The following SYN3 variants were observed in gnomAD, a reference collection of about 807,000 sequenced individuals.
The protein encoded by SYN3 is synapsin III.
Under a neutral mutation model 65.8 loss-of-function variants are expected in SYN3, and 35 were observed. That is an observed-to-expected ratio of 0.53 (90% CI 0.41 to 0.70). The LOEUF is 0.70. Ranked by LOEUF, SYN3 falls within the 30% of genes least tolerant of loss-of-function variation. SYN3 has a pLI of 0.00. For missense variants in SYN3, 680 were observed against 749.0 expected, an observed-to-expected ratio of 0.91 and a Z score of 1.08; for synonymous variants, 270 against 292.9, an observed-to-expected ratio of 0.92 and a Z score of 0.80.
intron 7 of SYN3, among the ~76,000 whole-genome samples, chr22:32,552,970 G>C (rs2058438984): frequency 6.6e-6 from 1 of 152,220 alleles, no homozygotes; most frequent in African/African-American, 2.4e-5. Flanking sequence ...CAAGGTGCTG[G>C]CATGGTCAGG....
At chr22:32,963,809 A>G (rs1376442194) in intron 3 of SYN3, among the ~76,000 whole-genome samples, 1 of 152,136 alleles carries the variant, frequency 6.6e-6, no homozygotes, top group Non-Finnish European at 1.5e-5. Context: ...GTGGAGAGCT[A>G]AGGGAGCCAG....
intron 6 of SYN3, among the ~76,000 whole-genome samples, chr22:32,629,131 G>C (rs188817304): frequency 6.6e-6 from 1 of 152,340 alleles, no homozygotes; most frequent in Admixed American, 6.5e-5. Flanking sequence ...AATATTTGGT[G>C]AAATCCATCC....
chr22:32,995,541 C>T (rs866610659), intron 2 of SYN3, among the ~76,000 whole-genome samples: 12 of 152,326 alleles, frequency 7.9e-5, no homozygotes, highest in South Asian at 6.2e-4. Context: ...CCTTCCTCCA[C>T]GTGGCACAGG....
At chr22:32,553,575 T>A (rs891983783) in intron 7 of SYN3, among the ~76,000 whole-genome samples, 3 of 152,192 alleles carry the variant, frequency 2.0e-5, no homozygotes, top group Non-Finnish European at 4.4e-5. Flanking sequence ...CAAAGTGTGC[T>A]ATGAGAGACT....
At chr22:32,715,001 G>A (rs1007706123) in intron 6 of SYN3, among the ~76,000 whole-genome samples, 1 of 152,072 alleles carries the variant, frequency 6.6e-6, no homozygotes, top group African/African-American at 2.4e-5. Flanking sequence ...TCTGCGGAGC[G>A]CTCCTTCCCC....
chr22:32,979,187 CAAA>C (rs35720827), intron 3 of SYN3, among the ~76,000 whole-genome samples: 9 of 88,764 alleles, frequency 1.0e-4, no homozygotes, highest in African/African-American at 1.9e-4. Context: ...GACTCCATCT[CAAA>C]AAAAAAAAAA....
At chr22:32,884,577 A>T (rs373163669) in intron 4 of SYN3, among the ~76,000 whole-genome samples, 2 of 152,166 alleles carry the variant, frequency 1.3e-5, no homozygotes, top group Admixed American at 6.5e-5. Context: ...TCAAAGTAGC[A>T]TATCTTCAAA....
At chr22:32,987,625 C>CA (rs765553816) in intron 2 of SYN3, among the ~76,000 whole-genome samples, 71 of 152,172 alleles carry the variant, frequency 4.7e-4, no homozygotes, top group Non-Finnish European at 8.2e-4. Flanking sequence ...TCTGCGGAGG[C>CA]AAAAAACTGA....
intron 6 of SYN3, among the ~76,000 whole-genome samples, chr22:32,621,790 T>C (rs1444258322): frequency 6.6e-6 from 1 of 152,098 alleles, no homozygotes; most frequent in African/African-American, 2.4e-5. Flanking sequence ...AGTTAGGTAA[T>C]ATGGCCATTT....
chr22:32,824,707 A>G (rs130290), intron 6 of SYN3, among the ~76,000 whole-genome samples: 138,605 of 152,220 alleles, frequency 0.91, 63,173 homozygotes, highest in Middle Eastern at 0.95. Flanking sequence ...CTCCCTTCAT[A>G]GGAAACATTT....
chr22:32,984,465 T>G (rs2052466864), intron 2 of SYN3, among the ~76,000 whole-genome samples: 1 of 152,178 alleles, frequency 6.6e-6, no homozygotes, highest in Non-Finnish European at 1.5e-5. Context: ...ATCTACTCCC[T>G]TCCCCTCCCC....
chr22:32,556,147 C>T (rs1056125534), intron 7 of SYN3, among the ~76,000 whole-genome samples: 7 of 152,110 alleles, frequency 4.6e-5, no homozygotes, highest in South Asian at 2.1e-4. Flanking sequence ...AGCAGATTCA[C>T]GTATTAAGTA....
chr22:32,890,676 G>A (rs1025187556), intron 4 of SYN3, among the ~76,000 whole-genome samples: 10 of 152,100 alleles, frequency 6.6e-5, no homozygotes, highest in East Asian at 1.9e-4. Flanking sequence ...CACCGCGCCC[G>A]GCCGATTTAG....
intron 7 of SYN3, among the ~76,000 whole-genome samples, chr22:32,590,310 T>A (rs2059110740): frequency 6.6e-6 from 1 of 152,252 alleles, no homozygotes; most frequent in South Asian, 2.1e-4. Context: ...ATAGGCAATC[T>A]TTTGTTTCTG....
chr22:32,560,057 C>T (rs2058564885), intron 7 of SYN3, among the ~76,000 whole-genome samples: 3 of 152,222 alleles, frequency 2.0e-5, no homozygotes, highest in Admixed American at 2.0e-4. Flanking sequence ...ACTGTGCCTG[C>T]AGCCCCTCCC....
chr22:32,832,569 A>G (rs889769384), intron 6 of SYN3, among the ~76,000 whole-genome samples: 12 of 148,024 alleles, frequency 8.1e-5, no homozygotes, highest in Non-Finnish European at 1.6e-4. Context: ...AAAAATTATT[A>G]TACTTGGCCA....
chr22:32,677,761 A>G (rs1424736764), intron 6 of SYN3, among the ~76,000 whole-genome samples: 3 of 152,118 alleles, frequency 2.0e-5, no homozygotes, highest in Admixed American at 6.5e-5. Flanking sequence ...ACATCGCACC[A>G]CTGCACTCCA....
chr22:32,984,031 C>T (rs2052447105), intron 2 of SYN3, among the ~76,000 whole-genome samples: 2 of 151,378 alleles, frequency 1.3e-5, no homozygotes, highest in Non-Finnish European at 1.5e-5. Flanking sequence ...TGGTGGTGGG[C>T]GCCTGTAATT....
intron 1 of SYN3, among the ~76,000 whole-genome samples, chr22:33,039,331 T>C (rs1021541117): frequency 3.9e-5 from 6 of 152,074 alleles, no homozygotes; most frequent in Non-Finnish European, 7.3e-5. Flanking sequence ...TATTTTTATA[T>C]TTATAACATT....
Sources: gnomAD v4.1 joint callset for allele counts (sites outside exome capture counted in the v4.1 genomes callset) on GRCh38, gnomAD v4.1.1 for gene constraint, MANE v1.5 for transcripts, NCBI Gene and HGNC (gene_info 2026-07-23, HGNC 2026-07-21) for gene names.